DEUP1: variants seen among roughly 807,000 people sequenced by gnomAD.
DEUP1 encodes the protein deuterosome assembly protein 1, also known as coiled-coil domain containing 67.
Under a neutral mutation model 87.4 loss-of-function variants are expected in DEUP1, and 82 were observed. That is an observed-to-expected ratio of 0.94 (90% CI 0.78 to 1.13). The LOEUF is 1.13. Ranked by LOEUF, DEUP1 falls within the 50% of genes most tolerant of loss-of-function variation. DEUP1 has a pLI of 0.00. For synonymous variants in DEUP1, 214 were observed against 222.7 expected (o/e 0.96, Z 0.35); for missense variants, 663 against 681.5 (o/e 0.97, Z 0.30).
chr11:93,377,839 C>T (rs1946112195), intron 7 of DEUP1, among the ~76,000 whole-genome samples: 2 of 152,146 alleles, frequency 1.3e-5, no homozygotes, highest in Admixed American at 1.3e-4. Context: ...CTGGAAAAGA[C>T]TGTATCTTTC....
intron 2 of DEUP1, among the ~76,000 whole-genome samples, chr11:93,340,314 A>G (rs1943996957): frequency 6.6e-6 from 1 of 152,214 alleles, no homozygotes; most frequent in Non-Finnish European, 1.5e-5. Flanking sequence ...AGGCAGAGGA[A>G]TCAGCAAAAG....
chr11:93,345,484 A>G (rs1944302726), intron 2 of DEUP1, among the ~76,000 whole-genome samples: 1 of 152,198 alleles, frequency 6.6e-6, no homozygotes, highest in African/African-American at 2.4e-5. Flanking sequence ...AACAGTGTAT[A>G]AAATGTTTCT....
intron 13 of DEUP1, among the ~76,000 whole-genome samples, chr11:93,417,113 C>T (rs1203368156): frequency 3.4e-5 from 5 of 145,746 alleles, no homozygotes; most frequent in African/African-American, 1.3e-4. Flanking sequence ...CCTTTGAAAA[C>T]TGGCACAAGA....
intron 2 of DEUP1, among the ~76,000 whole-genome samples, chr11:93,349,971 G>A (rs1944550159): frequency 6.6e-6 from 1 of 152,200 alleles, no homozygotes; most frequent in South Asian, 2.1e-4. Flanking sequence ...GTGTTGGCAT[G>A]TAGAGGCTGG....
At chr11:93,368,684 C>A (rs553514203) in intron 5 of DEUP1, among the ~76,000 whole-genome samples, 2 of 152,320 alleles carry the variant, frequency 1.3e-5, no homozygotes, top group South Asian at 4.1e-4. Flanking sequence ...CGCCTGTAAT[C>A]CCAGCACTTT....
At chr11:93,432,536 C>T (rs1948134942) in intron 13 of DEUP1, among the ~76,000 whole-genome samples, 1 of 152,202 alleles carries the variant, frequency 6.6e-6, no homozygotes, top group Non-Finnish European at 1.5e-5. Flanking sequence ...AACCTGTTGG[C>T]TCCAGCATTC....
At chr11:93,432,887 A>G (rs891090590) in intron 13 of DEUP1, among the ~76,000 whole-genome samples, 1 of 152,176 alleles carries the variant, frequency 6.6e-6, no homozygotes, top group Non-Finnish European at 1.5e-5. Context: ...CTCATTGATG[A>G]TAGTGTCAAG....
At chr11:93,374,925 C>A (rs938728406) in intron 7 of DEUP1, among the ~76,000 whole-genome samples, 1 of 151,818 alleles carries the variant, frequency 6.6e-6, no homozygotes, top group Non-Finnish European at 1.5e-5. Context: ...GATGTGTTTC[C>A]ATTTGTTTGT....
upstream of DEUP1, chr11:93,330,701 C>G (rs537809538): frequency 3.3e-5 from 5 of 153,052 alleles, no homozygotes; most frequent in South Asian, 8.9e-4. Context: ...GCGGGCCTGG[C>G]GGGGCGGGAG....
chr11:93,352,170 T>C, intron 2 of DEUP1: 3 of 518,636 alleles, frequency 5.8e-6, no homozygotes, highest in Non-Finnish European at 1.0e-5. Context: ...GAGGAAATGC[T>C]GTCATGTGGC....
intron 2 of DEUP1, among the ~76,000 whole-genome samples, chr11:93,332,589 A>C (rs188255761): frequency 4.5e-4 from 68 of 152,140 alleles, no homozygotes; most frequent in Admixed American, 1.1e-3. Flanking sequence ...CCACAATGCA[A>C]CCTTTCTTCG....
intron 12 of DEUP1, 48 bp downstream of exon 12, chr11:93,408,475 T>G: frequency 8.5e-7 from 1 of 1,176,044 alleles, no homozygotes; most frequent in Non-Finnish European, 1.2e-6. Flanking sequence ...AACATGTAAT[T>G]AAAATTTATT....
At chr11:93,375,654 A>T (rs1235006318) in intron 7 of DEUP1, among the ~76,000 whole-genome samples, 1 of 152,168 alleles carries the variant, frequency 6.6e-6, no homozygotes, top group Non-Finnish European at 1.5e-5. Context: ...ATGGTGGATT[A>T]TCTTTGTGAT....
intron 12 of DEUP1, chr11:93,411,230 T>C (rs2134429876): frequency 6.6e-6 from 1 of 152,218 alleles, no homozygotes; most frequent in East Asian, 1.9e-4. Context: ...TATGTATGTA[T>C]ATTTGTTAGG....
chr11:93,362,028 G>A (rs1945199062), intron 4 of DEUP1, among the ~76,000 whole-genome samples: 1 of 152,030 alleles, frequency 6.6e-6, no homozygotes, highest in Admixed American at 6.6e-5. Context: ...AAGGAACTAA[G>A]TTGGAGCCCT....
intron 12 of DEUP1, among the ~76,000 whole-genome samples, chr11:93,413,117 A>G (rs1050443536): frequency 6.6e-6 from 1 of 152,222 alleles, no homozygotes; most frequent in African/African-American, 2.4e-5. Context: ...AAATTTTTTA[A>G]CTAGGTTAAA....
At chr11:93,377,612 T>G (rs1946098938) in intron 7 of DEUP1, among the ~76,000 whole-genome samples, 1 of 152,176 alleles carries the variant, frequency 6.6e-6, no homozygotes, top group Admixed American at 6.5e-5. Flanking sequence ...GCCATTTACA[T>G]TCAACGTTAG....
chr11:93,413,751 CACAA>C lies in DEUP1; in HGVS notation c.1524-1243_1524-1240del, dbSNP rs146168388. On this transcript the variant is annotated intron_variant, in intron 12 of 13. Transcript: ENST00000298050. The stretch of plus-strand genomic sequence containing the variant: ...TCTCATTTTCTAACCTATGTTTTAG[CACAA>C]ACAAATTCCATGCTGTATGACTTTC... Among the ~76,000 whole-genome samples the C allele has an allele frequency of 9.9e-5, 15 of 152,278 alleles. No homozygotes were observed. In the East Asian group the frequency reaches 1.2e-3, roughly 12 times the overall value.
intron 5 of DEUP1, among the ~76,000 whole-genome samples, chr11:93,368,816 A>G (rs1945553624): frequency 6.6e-6 from 1 of 152,016 alleles, no homozygotes; most frequent in South Asian, 2.1e-4. Context: ...CGTGACTGTA[A>G]TCCCAGCTAC....
Sources: gnomAD v4.1 joint callset for allele counts (sites outside exome capture counted in the v4.1 genomes callset) on GRCh38, gnomAD v4.1.1 for gene constraint, MANE v1.5 for transcripts, NCBI Gene and HGNC (gene_info 2026-07-23, HGNC 2026-07-21) for gene names.